Variants in MRTFB observed in about 807,000 individuals in gnomAD.
MRTFB encodes the protein myocardin related transcription factor B.
Under a neutral mutation model 104.2 loss-of-function variants are expected in MRTFB, and 29 were observed. The ratio of observed to expected loss-of-function variants is 0.28; its 90% CI spans 0.21 to 0.38. The LOEUF (loss-of-function observed/expected upper bound fraction) is 0.38, where lower values mean the gene tolerates loss of function less well. Ranked by LOEUF, MRTFB falls within the 10% of genes least tolerant of loss-of-function variation. The pLI, the probability that MRTFB is intolerant of heterozygous loss-of-function variation, is 1.00. For missense variants in MRTFB, 1,270 were observed against 1,341.6 expected, an observed-to-expected ratio of 0.95 and a Z score of 0.83; for synonymous variants, 535 against 519.5, an observed-to-expected ratio of 1.03 and a Z score of -0.41.
the MRTFB span, among the ~76,000 whole-genome samples, chr16:14,057,671 G>A: frequency 7.9e-5 from 12 of 152,000 alleles, no homozygotes; most frequent in South Asian, 2.1e-4. Context: ...CTGTTTTTCC[G>A]TCCTTTCATA....
the MRTFB span, among the ~76,000 whole-genome samples, chr16:14,022,968 T>A: frequency 2.0e-5 from 3 of 151,902 alleles, no homozygotes; most frequent in South Asian, 6.3e-4. Flanking sequence ...AGTGCTGAGA[T>A]TATAGGCGTG....
intron 3 of MRTFB, among the ~76,000 whole-genome samples, chr16:14,201,752 T>A (rs2040715355): frequency 6.6e-6 from 1 of 152,198 alleles, no homozygotes; most frequent in Non-Finnish European, 1.5e-5. Flanking sequence ...CATGTCATAA[T>A]GAGAATAATC....
intron 10 of MRTFB, among the ~76,000 whole-genome samples, chr16:14,242,718 C>T (rs1353599833): frequency 2.6e-5 from 4 of 152,108 alleles, no homozygotes; most frequent in Non-Finnish European, 1.5e-5. Context: ...TCTCATCTGC[C>T]GATCACATTC....
intron 3 of MRTFB, among the ~76,000 whole-genome samples, chr16:14,157,393 G>T (rs557634946): frequency 6.6e-6 from 1 of 152,304 alleles, no homozygotes; most frequent in South Asian, 2.1e-4. Context: ...ACATCAGCAT[G>T]ATCATGGAAA....
intron 16 of MRTFB, among the ~76,000 whole-genome samples, chr16:14,258,919 A>G (rs1397376322): frequency 6.6e-6 from 1 of 152,124 alleles, no homozygotes; most frequent in East Asian, 1.9e-4. Flanking sequence ...TCAATATTTA[A>G]AAAAAAATTC....
At chr16:14,133,183 G>C (rs2037529266) in intron 2 of MRTFB, among the ~76,000 whole-genome samples, 1 of 152,202 alleles carries the variant, frequency 6.6e-6, no homozygotes, top group Non-Finnish European at 1.5e-5. Flanking sequence ...CAGAAGACCA[G>C]CACATCTGTA....
At chr16:14,160,767 A>G (rs969709405) in intron 3 of MRTFB, among the ~76,000 whole-genome samples, 6 of 152,146 alleles carry the variant, frequency 3.9e-5, no homozygotes, top group African/African-American at 1.4e-4. Flanking sequence ...GAAAGAGTCT[A>G]TCCATTATGG....
chr16:14,110,590 G>T (rs1270390145), intron 2 of MRTFB, among the ~76,000 whole-genome samples: 1 of 152,082 alleles, frequency 6.6e-6, no homozygotes, highest in Non-Finnish European at 1.5e-5. Flanking sequence ...TACCAGTACA[G>T]TGCCATGCCT....
chr16:14,138,855 ACAAT>A (rs539413022), intron 2 of MRTFB, among the ~76,000 whole-genome samples: 25 of 152,360 alleles, frequency 1.6e-4, no homozygotes, highest in African/African-American at 5.8e-4. Context: ...TGATGGTAGA[ACAAT>A]CAAATACACA....
intron 10 of MRTFB, among the ~76,000 whole-genome samples, chr16:14,243,458 G>A (rs2042869761): frequency 6.6e-6 from 1 of 152,218 alleles, no homozygotes; most frequent in Non-Finnish European, 1.5e-5. Context: ...CAGCACCAAG[G>A]CTTTGTGTGA....
rs2043806431 is a variant in MRTFB, at chr16:14,262,311, C to T, written c.*867C>T. ...CCAAGGTCCTACTTTTTTAATAGCT[C>T]GAATATTTCTAGAGTACTTGAGCCA... is the stretch of plus-strand genomic sequence containing the variant. On this transcript the variant is annotated 3_prime_UTR_variant, in exon 17 of 17. Coordinates refer to ENST00000571589, the MANE Select transcript of MRTFB (RefSeq NM_001308142.2). 6.6e-6 allele frequency: 1 copy of T among 152,120 alleles called. No homozygotes were observed. Among genetic ancestry groups the T allele is most frequent in the Admixed American group, 6.6e-5 (1 of 15,262 alleles). 9.4% of individuals were successfully genotyped at this position (152,120 alleles called of 1,614,324 possible). A position where few individuals can be genotyped will look rare whatever the true frequency, so the allele number is the denominator to read the frequency against.
chr16:14,232,840 A>C (rs1021811941), intron 8 of MRTFB, among the ~76,000 whole-genome samples: 1 of 152,184 alleles, frequency 6.6e-6, no homozygotes, highest in African/African-American at 2.4e-5. Context: ...CAGGTCATTT[A>C]TTTTAAGGAG....
At chr16:14,092,314 C>T (rs1454648848) in intron 2 of MRTFB, among the ~76,000 whole-genome samples, 4 of 152,026 alleles carry the variant, frequency 2.6e-5, no homozygotes, top group East Asian at 1.9e-4. Flanking sequence ...TATCTATGTA[C>T]GAATGAATGA....
chr16:14,154,382 A>G (rs962977670), intron 3 of MRTFB, among the ~76,000 whole-genome samples: 4 of 152,228 alleles, frequency 2.6e-5, no homozygotes, highest in African/African-American at 4.8e-5. Context: ...CTGTTAAAGT[A>G]GAAATTAAAA....
chr16:14,168,154 G>A (rs959471990), intron 3 of MRTFB, among the ~76,000 whole-genome samples: 1 of 151,992 alleles, frequency 6.6e-6, no homozygotes, highest in African/African-American at 2.4e-5. Flanking sequence ...GTAGATGTGT[G>A]GTCTTACTTC....
At chr16:14,095,382 T>C (rs1019366899) in intron 2 of MRTFB, among the ~76,000 whole-genome samples, 9 of 152,336 alleles carry the variant, frequency 5.9e-5, no homozygotes, top group African/African-American at 2.2e-4. Flanking sequence ...CTCTGTGACC[T>C]TGGGCAAGTT....
chr16:14,106,282 G>T (rs771063120), intron 2 of MRTFB, among the ~76,000 whole-genome samples: 2 of 152,162 alleles, frequency 1.3e-5, no homozygotes, highest in Non-Finnish European at 2.9e-5. Context: ...GGGAGTGCTT[G>T]CCGTGACTTT....
the MRTFB span, among the ~76,000 whole-genome samples, chr16:14,052,798 T>A: frequency 6.6e-6 from 1 of 151,884 alleles, no homozygotes; most frequent in Non-Finnish European, 1.5e-5. Context: ...ACCACAGTTA[T>A]CCTGCTGTAC....
chr16:14,012,377 C>A, the MRTFB span, among the ~76,000 whole-genome samples: 12 of 147,338 alleles, frequency 8.1e-5, no homozygotes, highest in East Asian at 2.2e-3. Context: ...CAGCTCACTG[C>A]AACCTCTGCC....
Sources: gnomAD v4.1 joint callset for allele counts (sites outside exome capture counted in the v4.1 genomes callset) on GRCh38, gnomAD v4.1.1 for gene constraint, MANE v1.5 for transcripts, NCBI Gene and HGNC (gene_info 2026-07-23, HGNC 2026-07-21) for gene names.